Variants in SCFD2 observed in about 807,000 individuals in gnomAD.
SCFD2 encodes the protein sec1 family domain-containing protein 2.
SCFD2 carries 54 observed loss-of-function variants against 58.9 expected under a neutral mutation model. That is an observed-to-expected ratio of 0.92 (90% CI 0.74 to 1.15). The LOEUF is 1.15. SCFD2 is among the 50% of genes most tolerant of loss of function. SCFD2 has a pLI of 0.00. For missense variants in SCFD2, 805 were observed against 836.6 expected, an observed-to-expected ratio of 0.96 and a Z score of 0.47; for synonymous variants, 321 against 335.9, an observed-to-expected ratio of 0.96 and a Z score of 0.49.
chr4:53,329,960 G>A lies in SCFD2; in HGVS notation c.1008-16197C>T, dbSNP rs926437877. On this transcript the variant is annotated intron_variant, in intron 2 of 8. Transcript: ENST00000401642. ...CTACATGAAGAATGCAGAAGCCTCA[G>A]GAGCTGATGCGATCAACTGGAAGAA... is the stretch of plus-strand genomic sequence containing the variant. Among the ~76,000 whole-genome samples, 4 of 151,818 alleles carry A rather than the reference G, an allele frequency of 2.6e-5. 1 individual carries two copies. Among genetic ancestry groups the A allele is most frequent in the Admixed American group, 1.3e-4 (2 of 15,248 alleles).
At chr4:53,232,742 G>A (rs750934934) in intron 4 of SCFD2, among the ~76,000 whole-genome samples, 8 of 152,080 alleles carry the variant, frequency 5.3e-5, no homozygotes, top group East Asian at 1.9e-4. Flanking sequence ...TAGGAGATTC[G>A]GATCATTCGA....
chr4:52,965,494 C>A (rs546793766), intron 5 of SCFD2, among the ~76,000 whole-genome samples: 4 of 152,222 alleles, frequency 2.6e-5, no homozygotes, highest in Non-Finnish European at 5.9e-5. Context: ...TTATTCTTCT[C>A]ATGTTTATTG....
In SCFD2 at chr4:53,319,248, T is replaced by C. The variant is rs555552747; in HGVS notation, c.1008-5485A>G. 4.6e-5 allele frequency among the ~76,000 whole-genome samples: 7 copies of C among 152,328 alleles called. No homozygotes were observed. The South Asian group carries it at 1.2e-3, about 27-fold the overall frequency. On this transcript the variant is annotated intron_variant, in intron 2 of 8. Transcript: ENST00000401642. ...AAGCTCTAAGAACTCTGCACACTTT[T>C]GTTTTAAGCAATATCATACTATTCC... is the stretch of plus-strand genomic sequence containing the variant.
intron 5 of SCFD2, among the ~76,000 whole-genome samples, chr4:52,983,270 A>C (rs367857902): frequency 5.2e-4 from 79 of 152,336 alleles, no homozygotes; most frequent in African/African-American, 1.7e-3. Context: ...ACACCCATAG[A>C]ATAAGATTTT....
chr4:53,333,682 A>C (rs1733576791), intron 2 of SCFD2, among the ~76,000 whole-genome samples: 2 of 136,056 alleles, frequency 1.5e-5, no homozygotes, highest in African/African-American at 5.5e-5. Context: ...TTCAGGACAT[A>C]GGCATGGGCA....
chr4:53,086,745 T>C (rs1456837580), intron 5 of SCFD2, among the ~76,000 whole-genome samples: 3 of 152,252 alleles, frequency 2.0e-5, no homozygotes, highest in South Asian at 2.1e-4. Flanking sequence ...ATGGATGGAA[T>C]TGGAGGTCAT....
At chr4:53,258,842 C>A (rs1438688729) in intron 4 of SCFD2, among the ~76,000 whole-genome samples, 2 of 151,998 alleles carry the variant, frequency 1.3e-5, no homozygotes, top group Admixed American at 6.6e-5. Flanking sequence ...ACATTCTCAA[C>A]AACAGTATAA....
intron 4 of SCFD2, among the ~76,000 whole-genome samples, chr4:53,200,392 T>C (rs562923436): frequency 6.6e-6 from 1 of 152,158 alleles, no homozygotes; most frequent in Non-Finnish European, 1.5e-5. Context: ...CACTGTAGAA[T>C]ATAAGTAGCA....
At chr4:52,917,420 T>G (rs1719635441) in intron 6 of SCFD2, among the ~76,000 whole-genome samples, 2 of 152,062 alleles carry the variant, frequency 1.3e-5, no homozygotes, top group Admixed American at 1.3e-4. Context: ...TGTGCTAAGT[T>G]CTCTCTCACT....
chr4:53,345,436 A>G (rs1285582047), intron 2 of SCFD2, among the ~76,000 whole-genome samples: 2 of 152,122 alleles, frequency 1.3e-5, no homozygotes, highest in Non-Finnish European at 2.9e-5. Context: ...TCATTAAAAA[A>G]TCATCAAACA....
chr4:53,321,138 T>A (rs1432936835), intron 2 of SCFD2, among the ~76,000 whole-genome samples: 1 of 136,744 alleles, frequency 7.3e-6, no homozygotes, highest in East Asian at 2.1e-4. Flanking sequence ...ATACACATAA[T>A]AATAACCTGC....
chr4:52,892,947 T>C (rs1718912167), intron 7 of SCFD2, among the ~76,000 whole-genome samples: 2 of 152,224 alleles, frequency 1.3e-5, no homozygotes, highest in Non-Finnish European at 2.9e-5. Flanking sequence ...TCTATCTCAC[T>C]TGAACTTATG....
intron 5 of SCFD2, among the ~76,000 whole-genome samples, chr4:53,085,437 A>G (rs1442649153): frequency 6.6e-6 from 1 of 152,222 alleles, no homozygotes; most frequent in Non-Finnish European, 1.5e-5. Flanking sequence ...AAGAATCAAT[A>G]TTGTTAGTAT....
intron 2 of SCFD2, among the ~76,000 whole-genome samples, chr4:53,317,452 G>T (rs1156656547): frequency 2.6e-5 from 4 of 152,158 alleles, no homozygotes; most frequent in Non-Finnish European, 5.9e-5. Context: ...GCTCATAAAA[G>T]TTGATCCAAT....
At chr4:53,234,849 T>C (rs1729547463) in intron 4 of SCFD2, among the ~76,000 whole-genome samples, 1 of 152,238 alleles carries the variant, frequency 6.6e-6, no homozygotes, top group East Asian at 1.9e-4. Flanking sequence ...GTTCACCTAC[T>C]ATCACAGAGA....
intron 4 of SCFD2, among the ~76,000 whole-genome samples, chr4:53,215,950 T>C (rs1728813486): frequency 6.6e-6 from 1 of 152,222 alleles, no homozygotes; most frequent in South Asian, 2.1e-4. Flanking sequence ...ATTACGTTTA[T>C]TGATTTGCTT....
intron 7 of SCFD2, among the ~76,000 whole-genome samples, chr4:52,896,476 T>C (rs1160121237): frequency 1.3e-5 from 2 of 152,212 alleles, no homozygotes; most frequent in African/African-American, 2.4e-5. Flanking sequence ...GTTGTAGATA[T>C]GCGGCATTAT....
chr4:53,147,608 T>C (rs1305720516), intron 4 of SCFD2, among the ~76,000 whole-genome samples: 1 of 152,160 alleles, frequency 6.6e-6, no homozygotes, highest in African/African-American at 2.4e-5. Context: ...CACACATGCT[T>C]CCAAAGGACC....
intron 5 of SCFD2, among the ~76,000 whole-genome samples, chr4:52,921,387 G>T (rs900029980): frequency 6.6e-6 from 1 of 152,068 alleles, no homozygotes; most frequent in South Asian, 2.1e-4. Context: ...AAACACAGGG[G>T]GACTTAACAA....
Sources: allele counts gnomAD v4.1 joint callset (sites outside exome capture counted in the v4.1 genomes callset), GRCh38; gene constraint gnomAD v4.1.1; transcripts MANE v1.5; gene names NCBI Gene and HGNC (gene_info 2026-07-23, HGNC 2026-07-21).